Variants in PRKAR2A observed in about 807,000 individuals in gnomAD.
The protein encoded by PRKAR2A is cAMP-dependent protein kinase type II-alpha regulatory subunit.
Under a neutral mutation model 51.9 loss-of-function variants are expected in PRKAR2A, and 29 were observed. That is an observed-to-expected ratio of 0.56 (90% CI 0.42 to 0.76). The LOEUF is 0.76. PRKAR2A is among the 30% of genes least tolerant of loss of function. PRKAR2A has a pLI of 0.00. For missense variants in PRKAR2A, 445 were observed against 512.1 expected, an observed-to-expected ratio of 0.87 and a Z score of 1.26; for synonymous variants, 178 against 186.2, an observed-to-expected ratio of 0.96 and a Z score of 0.36.
chr3:48,789,371 C>T (rs1473785163), intron 4 of PRKAR2A, among the ~76,000 whole-genome samples: 1 of 152,154 alleles, frequency 6.6e-6, no homozygotes, highest in Non-Finnish European at 1.5e-5. Flanking sequence ...CCATCTTAAC[C>T]AAGTACTTAA....
chr3:48,769,943 A>G (rs1661438117), intron 6 of PRKAR2A, among the ~76,000 whole-genome samples: 1 of 151,764 alleles, frequency 6.6e-6, no homozygotes, highest in African/African-American at 2.4e-5. Context: ...ACATCAGCTA[A>G]TTTCTTATTT....
At chr3:48,786,117 GGTTTTTTTTT>G (rs1466772259) in intron 4 of PRKAR2A, among the ~76,000 whole-genome samples, 4 of 150,516 alleles carry the variant, frequency 2.7e-5, no homozygotes, top group Non-Finnish European at 5.9e-5. Flanking sequence ...GCAGTTTTTT[GGTTTTTTTTT>G]GTTTTTTTTT....
chr3:48,806,027 G>A (rs2107355600), intron 2 of PRKAR2A, among the ~76,000 whole-genome samples: 1 of 152,096 alleles, frequency 6.6e-6, no homozygotes, highest in African/African-American at 2.4e-5. Context: ...TCTTTCAGAG[G>A]AAAAAAAGGT....
chr3:48,790,570 T>C lies in PRKAR2A; in HGVS notation c.409A>G (p.Ile137Val). The C allele has an allele frequency of 6.5e-7, 1 of 1,549,380 alleles. No homozygotes were observed. The highest frequency in any genetic ancestry group is 1.4e-5 in the African/African-American group (1 of 72,044). The change falls in exon 4 of 11, where the codon ATT becomes GTT. Residue 137 changes from isoleucine to valine, a missense_variant. Transcript: ENST00000265563. ...TGATCAAGATTTTTGAAAAGGAGAA[T>C]ATCTTTGCAAGCTTCCTGAAGTCTG... is the stretch of plus-strand genomic sequence containing the variant. ...RCRLQEACKD[I>V]LLFKNLDQEQ...
At chr3:48,763,190 G>A (rs764220663) in intron 8 of PRKAR2A, among the ~76,000 whole-genome samples, 4 of 152,176 alleles carry the variant, frequency 2.6e-5, no homozygotes, top group Non-Finnish European at 5.9e-5. Context: ...GGGGGCTCCA[G>A]AACTTGCATT....
At chr3:48,820,041 T>C (rs564786249) in intron 1 of PRKAR2A, among the ~76,000 whole-genome samples, 7 of 152,318 alleles carry the variant, frequency 4.6e-5, no homozygotes, top group Non-Finnish European at 1.0e-4. Flanking sequence ...TTAAGCATGG[T>C]AACTTGCTTG....
intron 2 of PRKAR2A, among the ~76,000 whole-genome samples, chr3:48,796,900 A>T (rs545930731): frequency 6.6e-6 from 1 of 151,908 alleles, no homozygotes; most frequent in East Asian, 1.9e-4. Context: ...CTTTTTGCTC[A>T]GAATTCATAA....
rs533624015 is a variant in PRKAR2A at position 48,766,997 on chromosome 3, A to G, written c.697-1648T>C. On this transcript the variant is annotated intron_variant, in intron 6 of 10. Transcript: ENST00000265563. ...CTGGCTTAGTAAGTAATGGATTCTG[A>G]TCAGAAGACAGTTAACCAAACCAGG... is the stretch of plus-strand genomic sequence containing the variant. Among the ~76,000 whole-genome samples, 463 of 152,292 alleles carry G rather than the reference A, an allele frequency of 3.0e-3. 7 individuals carry two copies. In the Middle Eastern group the frequency reaches 0.037, roughly 12 times the overall value.
chr3:48,806,934 C>T (rs2082683503), intron 2 of PRKAR2A, among the ~76,000 whole-genome samples: 1 of 151,934 alleles, frequency 6.6e-6, no homozygotes, highest in Admixed American at 6.6e-5. Flanking sequence ...CTGTGCCTGG[C>T]TAATTTTTTT....
intron 5 of PRKAR2A, among the ~76,000 whole-genome samples, chr3:48,779,118 T>G (rs917793244): frequency 6.6e-6 from 1 of 152,028 alleles, no homozygotes; most frequent in Non-Finnish European, 1.5e-5. Flanking sequence ...TGAGCCACCG[T>G]GCCCGGCCTA....
Position 48,750,491 on chromosome 3 carries a change from G to T in PRKAR2A, c.*1094C>A, listed in dbSNP as rs1035939549. The T allele has an allele frequency of 6.6e-6, 1 of 152,224 alleles. No homozygotes were observed. 9.4% of individuals were successfully genotyped at this position (152,224 alleles called of 1,614,324 possible). A position where few individuals can be genotyped will look rare whatever the true frequency, so the allele number is the denominator to read the frequency against. ...ACTACAATTATAGGCATGAGCCATT[G>T]AGCCTGGCCTGAGAATTTTCTTTAA... On this transcript the variant is annotated 3_prime_UTR_variant, in exon 11 of 11. Transcript: ENST00000265563.
At chr3:48,788,507 A>AT (rs888438299) in intron 4 of PRKAR2A, among the ~76,000 whole-genome samples, 8 of 152,140 alleles carry the variant, frequency 5.3e-5, no homozygotes, top group African/African-American at 1.9e-4. Context: ...AGTAGAGAAG[A>AT]AACAGTAGAG....
At chr3:48,757,239 A>G (rs1365180932) in intron 8 of PRKAR2A, among the ~76,000 whole-genome samples, 1 of 152,214 alleles carries the variant, frequency 6.6e-6, no homozygotes, top group Non-Finnish European at 1.5e-5. Flanking sequence ...GGTGAAGGAT[A>G]GTGCTTGAGC....
chr3:48,786,133 T>G (rs926574812), intron 4 of PRKAR2A, among the ~76,000 whole-genome samples: 2 of 150,582 alleles, frequency 1.3e-5, no homozygotes, highest in Admixed American at 6.6e-5. Context: ...TTTTTGTTTT[T>G]TTTTTTTTTG....
At chr3:48,767,468 G>A (rs2081957831) in intron 6 of PRKAR2A, among the ~76,000 whole-genome samples, 3 of 151,870 alleles carry the variant, frequency 2.0e-5, no homozygotes, top group South Asian at 4.2e-4. Context: ...AACAGAGCGA[G>A]ACCCTGCCTC....
chr3:48,767,281 C>A (rs1202924553), intron 6 of PRKAR2A, among the ~76,000 whole-genome samples: 1 of 151,656 alleles, frequency 6.6e-6, no homozygotes, highest in Non-Finnish European at 1.5e-5. Context: ...GAGTTCAAGA[C>A]CAGCCTGGCC....
In PRKAR2A at chr3:48,747,110, G is replaced by A. The variant is rs1181349663; in HGVS notation, c.*4475C>T. On this transcript the variant is annotated 3_prime_UTR_variant, in exon 11 of 11. Coordinates refer to ENST00000265563, the MANE Select transcript of PRKAR2A (RefSeq NM_004157.4). ...CTGCAGTGTGTAAAAGGAAACCTAT[G>A]GGAAGGCTGCTTCCCATAAAATAGA... is the stretch of plus-strand genomic sequence containing the variant. The A allele has an allele frequency of 8.1e-5, 12 of 148,192 alleles. No homozygotes were observed. Among genetic ancestry groups the A allele is most frequent in the African/African-American group, 2.5e-4 (10 of 39,926 alleles). The allele number at this position is 148,192 out of a possible 1,614,324, so 9.2% of individuals were successfully genotyped here. A position where few individuals can be genotyped will look rare whatever the true frequency, so the allele number is the denominator to read the frequency against.
intron 1 of PRKAR2A, among the ~76,000 whole-genome samples, chr3:48,828,884 A>G (rs1003604833): frequency 6.6e-6 from 1 of 151,396 alleles, no homozygotes; most frequent in Non-Finnish European, 1.5e-5. Context: ...CCCAGGCTGG[A>G]GTGCAGTAGC....
At chr3:48,797,882 G>GCCTGGGTGCATTT (rs1220065450) in intron 2 of PRKAR2A, among the ~76,000 whole-genome samples, 1 of 152,098 alleles carries the variant, frequency 6.6e-6, no homozygotes, top group Non-Finnish European at 1.5e-5. Context: ...AGGAGATGAG[G>GCCTGGGTGCATTT]CCAGGGTGCA....
Sources: gnomAD v4.1 joint callset for allele counts (sites outside exome capture counted in the v4.1 genomes callset) on GRCh38, gnomAD v4.1.1 for gene constraint, MANE v1.5 for transcripts, NCBI Gene and HGNC (gene_info 2026-07-23, HGNC 2026-07-21) for gene names.